NKD2: variants seen among roughly 807,000 people sequenced by gnomAD.
NKD2 encodes protein naked cuticle homolog 2.
NKD2 carries 43 observed loss-of-function variants against 34.8 expected under a neutral mutation model. The observed-to-expected ratio is 1.24, with a 90% confidence interval of 0.97 to 1.60. The LOEUF (loss-of-function observed/expected upper bound fraction) is 1.60, where lower values mean the gene tolerates loss of function less well. Among genes scored for constraint, NKD2 ranks in the 40% most tolerant of loss-of-function variants. The pLI is 0.00. For missense variants in NKD2, 675 were observed against 627.1 expected, an observed-to-expected ratio of 1.08 and a Z score of -0.82; for synonymous variants, 278 against 265.1, an observed-to-expected ratio of 1.05 and a Z score of -0.47.
chr5:1,031,453 C>T (rs1171360354), intron 3 of NKD2, among the ~76,000 whole-genome samples: 1 of 152,166 alleles, frequency 6.6e-6, no homozygotes, highest in Non-Finnish European at 1.5e-5. Flanking sequence ...CTGCCCATCC[C>T]TCCCGCCCGC....
At chr5:1,034,073 G>T in intron 5 of NKD2, 162 bp from the exon 6 acceptor site, 1 of 608,192 alleles carries the variant, frequency 1.6e-6, no homozygotes, top group South Asian at 2.0e-5. Context: ...GGGGTCTGCT[G>T]GTTCAGGGCT....
chr5:1,016,189 G>A (rs1282910650), intron 3 of NKD2, among the ~76,000 whole-genome samples: 2 of 152,246 alleles, frequency 1.3e-5, no homozygotes, highest in Admixed American at 1.3e-4. Context: ...TGCCGCCTCT[G>A]GACTGCGAAG....
In NKD2 at chr5:1,008,928, C is replaced by T. The variant is rs1310219179; in HGVS notation, c.-130C>T. On this transcript the variant is annotated 5_prime_UTR_variant, in exon 1 of 10. Transcript: ENST00000296849. ...CCCCGGCCCCCGCGCGGCGTGGAGC[C>T]ATCTTCCCTCACCTCCTACCGGCAC... 5.2e-6 allele frequency: 2 copies of T among 386,516 alleles called. No individual in the cohort carries two copies. Among genetic ancestry groups the T allele is most frequent in the Non-Finnish European group, 9.1e-6 (2 of 218,960 alleles). 23.9% of individuals were successfully genotyped at this position (386,516 alleles called of 1,614,324 possible).
chr5:1,038,926 T>G lies in NKD2; in HGVS notation c.*553T>G. 1 of 190,476 alleles carries G rather than the reference T, an allele frequency of 5.3e-6. No individual in the cohort carries two copies. Among genetic ancestry groups the G allele is most frequent in the Non-Finnish European group, 9.3e-6 (1 of 107,228 alleles). 11.8% of individuals were successfully genotyped at this position (190,476 alleles called of 1,614,324 possible). ...GAGGCCAAGCAGCAGAAGGCAGCAG[T>G]GCTAGAAAGAGAAGTGCCAGAGTAG... On this transcript the variant is annotated 3_prime_UTR_variant, in exon 10 of 10. Transcript: ENST00000296849. This position sits in a 1 kb window ranked among gnomAD's most constrained non-coding sequence, Gnocchi z 4.5.
At position 1,009,553 on chromosome 5, in the gene NKD2, A is replaced by ACAAGCAGGTAGGCGGCGGGG. The variant is rs757944331; in HGVS notation, c.136_141+14dup. ...GAGGAAGCGGAGCGGCGCGCGCGGGACAAGCAGGTAGGCGGCGGGGCGGAG... is the reference window on the plus strand; with the variant it reads ...GAGGAAGCGGAGCGGCGCGCGCGGGACAAGCAGGTAGGCGGCGGGGCAAGCAGGTAGGCGGCGGGGCGGAG... On this transcript the variant is annotated frameshift_variant, in exon 3 of 10. Coordinates refer to ENST00000296849, the MANE Select transcript of NKD2 (RefSeq NM_033120.4). LOFTEE classifies it high-confidence loss of function. This position sits in a 1 kb window ranked among gnomAD's most constrained non-coding sequence, Gnocchi z 6.9. 1.9e-4 allele frequency: 287 copies of ACAAGCAGGTAGGCGGCGGGG among 1,485,080 alleles called. 2 individuals are homozygous for ACAAGCAGGTAGGCGGCGGGG. Among genetic ancestry groups the ACAAGCAGGTAGGCGGCGGGG allele is most frequent in the South Asian group, 1.2e-3 (93 of 78,454 alleles). 92.0% of individuals were successfully genotyped at this position (1,485,080 alleles called of 1,614,324 possible). A position where few individuals can be genotyped will look rare whatever the true frequency, so the allele number is the denominator to read the frequency against.
chr5:1,027,289 G>C (rs1217401570), intron 3 of NKD2, among the ~76,000 whole-genome samples: 1 of 152,260 alleles, frequency 6.6e-6, no homozygotes, highest in Non-Finnish European at 1.5e-5. Flanking sequence ...ATCTAGGGGT[G>C]CCAGGTGCTG....
At chr5:1,025,753 T>A in intron 3 of NKD2, among the ~76,000 whole-genome samples, 2 of 30,454 alleles carry the variant, frequency 6.6e-5, no homozygotes, top group South Asian at 1.4e-3. Flanking sequence ...TGTGGGCGTC[T>A]CAGCCCATTG....
In NKD2 at chr5:1,036,647, G is replaced by A. The variant is rs1733961729; in HGVS notation, c.787+263G>A. 3 of 613,344 alleles carry A rather than the reference G, an allele frequency of 4.9e-6. No individual in the cohort carries two copies. The Admixed American group carries it at 6.4e-5, about 13-fold the overall frequency. The allele number at this position is 613,344 out of a possible 1,614,324, so 38.0% of individuals were successfully genotyped here. On this transcript the variant is annotated intron_variant, in intron 9 of 9. Coordinates refer to ENST00000296849, the MANE Select transcript of NKD2 (RefSeq NM_033120.4). ...CAGGTGTGTGTATGTGGCGGATGCG[G>A]GGGTGCCTGGTTCAAAGTGAGATGG...
At chr5:1,032,004 G>C in intron 3 of NKD2, 148 bp from the exon 4 acceptor site, 1 of 674,318 alleles carries the variant, frequency 1.5e-6, no homozygotes, top group South Asian at 1.7e-5. Context: ...GGGCACGAAG[G>C]GTTGGTGTTT....
At chr5:1,010,845 C>T (rs6885390) in intron 3 of NKD2, among the ~76,000 whole-genome samples, 18,254 of 152,230 alleles carry the variant, frequency 0.12, 1,250 homozygotes, top group African/African-American at 0.18. Flanking sequence ...GGGCTTTGGC[C>T]GGCCCCTGTC....
intron 3 of NKD2, among the ~76,000 whole-genome samples, chr5:1,028,143 G>C (rs1416491014): frequency 7.1e-6 from 1 of 140,908 alleles, no homozygotes; most frequent in East Asian, 1.9e-4. Flanking sequence ...CAGGACGGGG[G>C]CTGGGTGCTG....
chr5:1,020,606 G>A, intron 3 of NKD2, among the ~76,000 whole-genome samples: 1 of 152,014 alleles, frequency 6.6e-6, no homozygotes, highest in East Asian at 1.9e-4. Flanking sequence ...CTCCAAGCGT[G>A]GGGAGAGGGA....
Position 1,036,248 on chromosome 5 carries a change from T to A in NKD2, c.660-9T>A, listed in dbSNP as rs1733915162. 3 of 1,587,652 alleles carry A rather than the reference T, an allele frequency of 1.9e-6. No individual in the cohort carries two copies. The highest frequency in any genetic ancestry group is 1.8e-5 in the Admixed American group (1 of 57,102). The stretch of plus-strand genomic sequence containing the variant: ...GCGGGGGTCAGGCCCTTCTCTGTGC[T>A]CCAAGCAGGAGGCCCAGTACTGACC... On this transcript the variant is annotated splice_polypyrimidine_tract_variant and intron_variant, in intron 8 of 9. Transcript: ENST00000296849.
chr5:1,035,696 G>A lies in NKD2; in HGVS notation c.659+223G>A, dbSNP rs1368035788. 5.8e-5 allele frequency: 32 copies of A among 551,798 alleles called. No individual in the cohort carries two copies. In the South Asian group the frequency reaches 7.3e-4, roughly 13 times the overall value. The allele number at this position is 551,798 out of a possible 1,614,324, so 34.2% of individuals were successfully genotyped here. ...CTGTCTGAGCAGAGGGCTTTGAGGG[G>A]CAGCAGCCACAGCGGCCTTGACACC... On this transcript the variant is annotated intron_variant, in intron 8 of 9. Coordinates refer to ENST00000296849, the MANE Select transcript of NKD2 (RefSeq NM_033120.4).
At chr5:1,037,591 C>A in intron 9 of NKD2, 1 of 1,535,926 alleles carries the variant, frequency 6.5e-7, no homozygotes, top group Non-Finnish European at 8.7e-7. Context: ...AGGAGTCGGC[C>A]TTTGCAGGGA....
chr5:1,037,210 C>T (rs1156786817), intron 9 of NKD2, among the ~76,000 whole-genome samples: 3 of 152,134 alleles, frequency 2.0e-5, no homozygotes, highest in African/African-American at 7.2e-5. Flanking sequence ...ATTCTTGTAC[C>T]AAAGCCCAGG....
chr5:1,037,637 G>A (rs2150753459), intron 9 of NKD2, 168 bp from the exon 10 acceptor site: 1 of 1,535,976 alleles, frequency 6.5e-7, no homozygotes, highest in Non-Finnish European at 8.7e-7. Flanking sequence ...CAGTGGCCAG[G>A]CCCCTTCCCT....
chr5:1,009,334 TC>T lies in NKD2; in HGVS notation c.61+122del. 1 of 576,172 alleles carries T rather than the reference TC, an allele frequency of 1.7e-6. No individual in the cohort carries two copies. The highest frequency in any genetic ancestry group is 2.8e-6 in the Non-Finnish European group (1 of 352,522). 35.7% of individuals were successfully genotyped at this position (576,172 alleles called of 1,614,324 possible). A position where few individuals can be genotyped will look rare whatever the true frequency, so the allele number is the denominator to read the frequency against. ...CAGTGGGGGGACGGGGCCGCGGGTCTCCAGGAGCGCGCGGGACCCCCACGCC... is the reference window on the plus strand; with the variant it reads ...CAGTGGGGGGACGGGGCCGCGGGTCTCAGGAGCGCGCGGGACCCCCACGCC... On this transcript the variant is annotated intron_variant, in intron 2 of 9. Transcript: ENST00000296849. This position sits in a 1 kb window ranked among gnomAD's most constrained non-coding sequence, Gnocchi z 6.9.
intron 5 of NKD2, among the ~76,000 whole-genome samples, chr5:1,033,930 G>A (rs886706884): frequency 4.1e-4 from 63 of 152,222 alleles, no homozygotes; most frequent in African/African-American, 1.5e-3. Flanking sequence ...AACACTTGAC[G>A]GCCAGTGTGT....
Sources: gnomAD v4.1 joint callset for allele counts (sites outside exome capture counted in the v4.1 genomes callset) on GRCh38, gnomAD v4.1.1 for gene constraint, Gnocchi (gnomAD v3.1) non-coding constraint, MANE v1.5 for transcripts, NCBI Gene and HGNC (gene_info 2026-07-23, HGNC 2026-07-21) for gene names.